The following OMA1 variants were observed in gnomAD, a reference collection of about 807,000 sequenced individuals.
The protein encoded by OMA1 is metalloendopeptidase OMA1, mitochondrial.
A neutral mutation model predicts 30.9 loss-of-function variants in OMA1; 38 were observed. That is an observed-to-expected ratio of 1.23 (90% CI 0.95 to 1.61). The LOEUF (loss-of-function observed/expected upper bound fraction) is 1.61, where lower values mean the gene tolerates loss of function less well. Ranked by LOEUF, OMA1 falls within the 40% of genes most tolerant of loss-of-function variation. The probability of loss-of-function intolerance (pLI) is 0.00; values close to 1 mark genes in which losing one functional copy is unlikely to be tolerated. For synonymous variants in OMA1, 173 were observed against 121.9 expected, an observed-to-expected ratio of 1.42 and a Z score of -2.76; for missense variants, 461 against 349.2, an observed-to-expected ratio of 1.32 and a Z score of -2.55.
At chr1:58,490,797 T>TA (rs1405642660) in intron 8 of OMA1, among the ~76,000 whole-genome samples, 1 of 58,786 alleles carries the variant, frequency 1.7e-5, no homozygotes, top group African/African-American at 1.2e-4. Context: ...TCAACATTCT[T>TA]TTTTTTTTTT....
At chr1:58,536,159 G>A (rs1211639522) in intron 3 of OMA1, among the ~76,000 whole-genome samples, 1 of 152,020 alleles carries the variant, frequency 6.6e-6, no homozygotes, top group Admixed American at 6.5e-5. Flanking sequence ...CCAAGCAATG[G>A]GCGCAACTAC....
At chr1:58,533,262 T>C (rs1646464726) in intron 5 of OMA1, among the ~76,000 whole-genome samples, 1 of 152,200 alleles carries the variant, frequency 6.6e-6, no homozygotes, top group Non-Finnish European at 1.5e-5. Flanking sequence ...CAGGTAACTG[T>C]AGTGAAAGGA....
chr1:58,488,504 T>C (rs1211940531), intron 8 of OMA1, among the ~76,000 whole-genome samples: 1 of 152,090 alleles, frequency 6.6e-6, no homozygotes, highest in Non-Finnish European at 1.5e-5. Context: ...CACACTGGAG[T>C]GCAATGGCGC....
intron 4 of OMA1, 48 bp downstream of exon 4, chr1:58,534,110 A>T (rs779691781): frequency 1.2e-6 from 1 of 867,228 alleles, no homozygotes; most frequent in African/African-American, 1.6e-5. Context: ...ATAAAAAATA[A>T]GGACAATAAA....
intron 3 of OMA1, among the ~76,000 whole-genome samples, chr1:58,535,636 G>T (rs1646505093): frequency 6.7e-6 from 1 of 149,986 alleles, no homozygotes; most frequent in South Asian, 2.1e-4. Flanking sequence ...TGCCAAAGCT[G>T]TCAAGTGAGG....
At chr1:58,491,712 T>G (rs966925358) in intron 8 of OMA1, among the ~76,000 whole-genome samples, 41 of 152,264 alleles carry the variant, frequency 2.7e-4, no homozygotes, top group African/African-American at 9.6e-4. Flanking sequence ...CAAGAAGAGC[T>G]AACTATCCTA....
chr1:58,498,920 A>G (rs1645849752), intron 8 of OMA1, among the ~76,000 whole-genome samples: 1 of 152,214 alleles, frequency 6.6e-6, no homozygotes, highest in African/African-American at 2.4e-5. Flanking sequence ...TAAATAATTT[A>G]AAGTAAATAC....
intron 8 of OMA1, among the ~76,000 whole-genome samples, chr1:58,498,206 T>C (rs1192044136): frequency 6.6e-6 from 1 of 152,086 alleles, no homozygotes; most frequent in Non-Finnish European, 1.5e-5. Context: ...TTGACATGTA[T>C]TTTAAACATT....
At chr1:58,512,831 G>A (rs1207149384) in intron 7 of OMA1, among the ~76,000 whole-genome samples, 2 of 152,142 alleles carry the variant, frequency 1.3e-5, no homozygotes, top group Non-Finnish European at 2.9e-5. Context: ...CTGATATACA[G>A]CATGTGCCTA....
chr1:58,534,682 C>G (rs1646489113), intron 3 of OMA1, among the ~76,000 whole-genome samples: 1 of 152,226 alleles, frequency 6.6e-6, no homozygotes, highest in South Asian at 2.1e-4. Flanking sequence ...CGCCTGTAAT[C>G]CCAGAACTAG....
Position 58,534,039 on chromosome 1 carries a change from T to A in OMA1, c.925A>T (p.Thr309Ser), listed in dbSNP as rs1172167849. The A allele has an allele frequency of 1.1e-6, 1 of 870,654 alleles. No individual in the cohort carries two copies. The highest frequency in any genetic ancestry group is 2.0e-6 in the Non-Finnish European group (1 of 501,196). The allele number at this position is 870,654 out of a possible 1,614,324, so 53.9% of individuals were successfully genotyped here. Residue 309 changes from threonine (T) to serine (S), a missense_variant, in exon 5 of 9, where the codon ACT (threonine) becomes TCT (serine). By Grantham distance (58) the Thr-to-Ser change is moderately conservative (BLOSUM62 1). Coordinates refer to ENST00000371226, the MANE Select transcript of OMA1 (RefSeq NM_145243.5). ...TCGGTTACACTATTTAAAAATCCAG[T>A]GAAAACAAACATTTGTCCATTCTGC... ...VLPNGQMFVF[T>S]GFLNSVTDIH...
chr1:58,546,307 C>T (rs1646703848), intron 1 of OMA1, among the ~76,000 whole-genome samples: 1 of 152,214 alleles, frequency 6.6e-6, no homozygotes, highest in East Asian at 1.9e-4. Context: ...GGTGAGGAGC[C>T]CGAAGCCCCG....
intron 8 of OMA1, among the ~76,000 whole-genome samples, chr1:58,503,063 G>C (rs1310695915): frequency 1.3e-5 from 2 of 152,172 alleles, no homozygotes; most frequent in Non-Finnish European, 2.9e-5. Context: ...CCTCTCCGAA[G>C]ATGCTCAGTA....
intron 8 of OMA1, among the ~76,000 whole-genome samples, chr1:58,491,056 C>CA (rs748285227): frequency 8.6e-5 from 13 of 151,952 alleles, no homozygotes; most frequent in Non-Finnish European, 1.6e-4. Flanking sequence ...ATCCACCCAC[C>CA]ACAGCCTCCC....
intron 8 of OMA1, among the ~76,000 whole-genome samples, chr1:58,503,313 C>T (rs1446689593): frequency 1.3e-5 from 2 of 152,174 alleles, no homozygotes; most frequent in African/African-American, 4.8e-5. Context: ...CTCTTATAGT[C>T]AGTGATCCTC....
intron 1 of OMA1, among the ~76,000 whole-genome samples, chr1:58,546,273 C>T (rs1646702858): frequency 6.6e-6 from 1 of 152,226 alleles, no homozygotes; most frequent in African/African-American, 2.4e-5. Flanking sequence ...CGCCGGGAGG[C>T]GGTCCCCTCT....
chr1:58,499,508 A>AG (rs71244602), intron 8 of OMA1, among the ~76,000 whole-genome samples: 5,906 of 136,060 alleles, frequency 0.043, 117 homozygotes, highest in African/African-American at 0.05. Context: ...ATAGATAGAT[A>AG]AATAGATAGA....
At chr1:58,482,822 G>C (rs894314986) in intron 8 of OMA1, among the ~76,000 whole-genome samples, 1 of 152,116 alleles carries the variant, frequency 6.6e-6, no homozygotes, top group Non-Finnish European at 1.5e-5. Flanking sequence ...GAAGAAGCAG[G>C]TACAGCCGAG....
intron 7 of OMA1, among the ~76,000 whole-genome samples, chr1:58,515,459 C>G (rs1646144905): frequency 6.6e-6 from 1 of 152,014 alleles, no homozygotes; most frequent in Admixed American, 6.6e-5. Flanking sequence ...TTTTTTCCCT[C>G]TATCTTAGGT....
Sources: gnomAD v4.1 joint callset for allele counts (sites outside exome capture counted in the v4.1 genomes callset) on GRCh38, gnomAD v4.1.1 for gene constraint, MANE v1.5 for transcripts, NCBI Gene and HGNC (gene_info 2026-07-23, HGNC 2026-07-21) for gene names.